Variants in GLIS3 observed in about 807,000 individuals in gnomAD.
GLIS3 encodes GLIS family zinc finger 3, also known as zinc finger protein GLIS3.
A neutral mutation model predicts 78.6 loss-of-function variants in GLIS3; 53 were observed. The observed-to-expected ratio is 0.67, with a 90% confidence interval of 0.54 to 0.85. The LOEUF is 0.85. GLIS3 is among the 40% of genes least tolerant of loss of function. The pLI is 0.00. For missense variants in GLIS3, 1,703 were observed against 1,231.1 expected (o/e 1.38, Z -5.74); for synonymous variants, 684 against 509.9 (o/e 1.34, Z -4.60).
chr9:4,482,505 G>C, the GLIS3 span, among the ~76,000 whole-genome samples: 1 of 152,180 alleles, frequency 6.6e-6, no homozygotes, highest in African/African-American at 2.4e-5. Context: ...AATCCATGCA[G>C]CTGAGATGCT....
chr9:4,090,435 T>C (rs1829399958), intron 4 of GLIS3, among the ~76,000 whole-genome samples: 1 of 151,638 alleles, frequency 6.6e-6, no homozygotes, highest in Non-Finnish European at 1.5e-5. Context: ...TAGTTTAGCC[T>C]TCTTTGGGAC....
chr9:4,171,979 G>GT (rs1306107105), intron 2 of GLIS3, among the ~76,000 whole-genome samples: 2 of 152,080 alleles, frequency 1.3e-5, no homozygotes, highest in African/African-American at 2.4e-5. Context: ...AACCAGAAGG[G>GT]TTTTTTGTGG....
chr9:4,485,878 T>C, the GLIS3 span, among the ~76,000 whole-genome samples: 1 of 152,062 alleles, frequency 6.6e-6, no homozygotes, highest in Non-Finnish European at 1.5e-5. Context: ...CCTGCCACCA[T>C]GCCCAGCTAA....
upstream of GLIS3, among the ~76,000 whole-genome samples, chr9:4,351,210 T>A (rs144580341): frequency 0.022 from 3,323 of 152,102 alleles, 126 homozygotes; most frequent in African/African-American, 0.075. Context: ...GCCACTGCAC[T>A]CCAGCCTGGG....
chr9:4,348,384 A>G (rs1817922828), exon 1 of GLIS3: 1 of 152,226 alleles, frequency 6.6e-6, no homozygotes, highest in Non-Finnish European at 1.5e-5. Flanking sequence ...AACTCCAGCC[A>G]TCACCTCCAC....
chr9:4,180,295 AC>A (rs955768829), intron 2 of GLIS3, among the ~76,000 whole-genome samples: 1 of 152,148 alleles, frequency 6.6e-6, no homozygotes, highest in Non-Finnish European at 1.5e-5. Context: ...CAATGATCCT[AC>A]CCCATTCACA....
chr9:4,235,278 G>A (rs531152633), intron 2 of GLIS3, among the ~76,000 whole-genome samples: 17 of 126,732 alleles, frequency 1.3e-4, no homozygotes, highest in South Asian at 2.8e-4. Context: ...CAGGCTGGGC[G>A]ACACAGTGAG....
Position 4,093,778 on chromosome 9 carries a change from T to C in GLIS3, c.1710+23990A>G, listed in dbSNP as rs528939727. 7.9e-5 allele frequency among the ~76,000 whole-genome samples: 12 copies of C among 152,308 alleles called. No individual in the cohort carries two copies. In the South Asian group the frequency reaches 2.3e-3, roughly 29 times the overall value. ...GTGTGCTGGATTTCATGCTGCTAAATATCTATATATATATTTTTAAATTTT... is the reference window on the plus strand; with the variant it reads ...GTGTGCTGGATTTCATGCTGCTAAACATCTATATATATATTTTTAAATTTT... On this transcript the variant is annotated intron_variant, in intron 4 of 10. Coordinates refer to ENST00000381971, the MANE Select transcript of GLIS3 (RefSeq NM_001042413.2).
chr9:4,413,892 A>G, the GLIS3 span, among the ~76,000 whole-genome samples: 2 of 152,224 alleles, frequency 1.3e-5, no homozygotes, highest in Non-Finnish European at 2.9e-5. Context: ...GGTTCTGGCT[A>G]TCCAAATATG....
At chr9:4,345,436 G>C (rs566834253) in intron 2 of GLIS3, among the ~76,000 whole-genome samples, 1 of 151,964 alleles carries the variant, frequency 6.6e-6, no homozygotes, top group African/African-American at 2.4e-5. Context: ...TTTATTGTCT[G>C]GCTCTCCCAT....
In GLIS3 at chr9:4,118,167, C is replaced by A. The variant is rs781662073; in HGVS notation, c.1311G>T (p.Pro437=). ...CGGGGGGTAGGTCTACGGTGCTGCCCGGGAACTCCTCCAGGCGTTCGGTCT... is the reference window on the plus strand; with the variant it reads ...CGGGGGGTAGGTCTACGGTGCTGCCAGGGAACTCCTCCAGGCGTTCGGTCT... ...LFKTERLEEF[P]GSTVDLPPAP... The change falls in exon 4 of 11, where the codon CCG becomes CCT. Residue 437 remains proline, a synonymous_variant. Transcript: ENST00000381971. The surrounding 1 kb of genome is among the most constrained non-coding windows in gnomAD (Gnocchi z 4.7). 3 of 1,565,798 alleles carry A rather than the reference C, an allele frequency of 1.9e-6. No individual in the cohort carries two copies. Among genetic ancestry groups the A allele is most frequent in the Non-Finnish European group, 2.6e-6 (3 of 1,155,678 alleles).
intron 4 of GLIS3, among the ~76,000 whole-genome samples, chr9:4,080,526 G>C (rs549703763): frequency 6.6e-6 from 1 of 152,066 alleles, no homozygotes; most frequent in Non-Finnish European, 1.5e-5. Flanking sequence ...CTAAGGGAAA[G>C]GATAAATCAC....
chr9:4,166,181 G>T (rs1247745048), intron 2 of GLIS3, among the ~76,000 whole-genome samples: 1 of 152,106 alleles, frequency 6.6e-6, no homozygotes, highest in Admixed American at 6.6e-5. Context: ...ACACAGTGTC[G>T]GGCTCATATT....
At chr9:3,851,789 A>G (rs778823183) in intron 9 of GLIS3, among the ~76,000 whole-genome samples, 3 of 152,260 alleles carry the variant, frequency 2.0e-5, no homozygotes, top group African/African-American at 4.8e-5. Context: ...CCCCATGGAA[A>G]AATATAAATG....
At chr9:3,876,113 C>T (rs1413275416) in intron 8 of GLIS3, among the ~76,000 whole-genome samples, 1 of 152,112 alleles carries the variant, frequency 6.6e-6, no homozygotes, top group Admixed American at 6.5e-5. Flanking sequence ...CTAAGAAACA[C>T]CACATCATCT....
At chr9:4,005,744 A>C (rs1178213403) in intron 4 of GLIS3, among the ~76,000 whole-genome samples, 1 of 152,246 alleles carries the variant, frequency 6.6e-6, no homozygotes, top group African/African-American at 2.4e-5. Context: ...CTGCCAACAG[A>C]ATGAATTCAT....
the GLIS3 span, among the ~76,000 whole-genome samples, chr9:4,447,069 A>G: frequency 6.6e-6 from 1 of 151,696 alleles, no homozygotes; most frequent in Non-Finnish European, 1.5e-5. Flanking sequence ...TTTAATAGAG[A>G]CAAGGTCTCA....
At chr9:4,185,584 G>C (rs1299652864) in intron 2 of GLIS3, among the ~76,000 whole-genome samples, 1 of 152,174 alleles carries the variant, frequency 6.6e-6, no homozygotes, top group Non-Finnish European at 1.5e-5. Flanking sequence ...TAAGGAAGCA[G>C]ATGGCACATT....
the GLIS3 span, among the ~76,000 whole-genome samples, chr9:4,479,181 C>T: frequency 1.4e-4 from 21 of 152,144 alleles, no homozygotes; most frequent in African/African-American, 4.8e-4. Context: ...CTGCCTCAGC[C>T]TCCTAGAGTG....
Sources: gnomAD v4.1 joint callset for allele counts (sites outside exome capture counted in the v4.1 genomes callset) on GRCh38, gnomAD v4.1.1 for gene constraint, Gnocchi (gnomAD v3.1) non-coding constraint, MANE v1.5 for transcripts, NCBI Gene and HGNC (gene_info 2026-07-23, HGNC 2026-07-21) for gene names.